Variants in FRY observed in about 807,000 individuals in gnomAD.
FRY encodes FRY microtubule binding protein, also known as protein furry homolog.
In FRY, 128 loss-of-function variants were observed where a neutral mutation model predicts 348.4. The ratio of observed to expected loss-of-function variants is 0.37; its 90% CI spans 0.32 to 0.43. The LOEUF (loss-of-function observed/expected upper bound fraction) is 0.43, where lower values mean the gene tolerates loss of function less well. Ranked by LOEUF, FRY falls within the 20% of genes least tolerant of loss-of-function variation. FRY has a pLI of 1.00. For missense variants in FRY, 2,736 were observed against 3,695.2 expected (o/e 0.74, Z 6.73); for synonymous variants, 1,370 against 1,374.7 (o/e 1.00, Z 0.08).
rs1260274710 is a variant in FRY at position 32,237,575 on chromosome 13, C to T, written c.6007C>T (p.Leu2003=). Residue 2003 remains leucine (L), a synonymous_variant, in exon 44 of 61, where the codon CTG becomes TTG. Coordinates refer to ENST00000542859, the MANE Select transcript of FRY (RefSeq NM_023037.3). This position sits in a 1 kb window ranked among gnomAD's most constrained non-coding sequence, Gnocchi z 6.3. ...RSSDPPRSAT[L]DRIQACTQQG... is the part of the protein sequence containing the mutation. ...CTCTGACCCACCTCGAAGTGCCACA[C>T]TGGACAGAATTCAGGCTTGTACCCA... 1.2e-6 allele frequency: 2 copies of T among 1,614,072 alleles called. No homozygotes were observed.
chr13:32,131,633 T>C (rs1879371211), intron 7 of FRY, 39 bp from the exon 8 acceptor site: 1 of 1,521,822 alleles, frequency 6.6e-7, no homozygotes, highest in Non-Finnish European at 9.1e-7. Flanking sequence ...GGGACTTTCC[T>C]ACCCAATATT....
intron 17 of FRY, among the ~76,000 whole-genome samples, chr13:32,162,507 G>A (rs1881510245): frequency 6.6e-6 from 1 of 152,116 alleles, no homozygotes; most frequent in Non-Finnish European, 1.5e-5. Flanking sequence ...GGGTCCCTCT[G>A]TTGATTACCT....
intron 4 of FRY, among the ~76,000 whole-genome samples, chr13:32,122,647 C>T (rs1878744135): frequency 1.3e-5 from 2 of 152,168 alleles, no homozygotes; most frequent in East Asian, 1.9e-4. Flanking sequence ...TACCTACTGT[C>T]AGCACTCTTC....
At chr13:32,148,878 G>C (rs921459052) in intron 13 of FRY, among the ~76,000 whole-genome samples, 4 of 152,034 alleles carry the variant, frequency 2.6e-5, no homozygotes, top group Non-Finnish European at 5.9e-5. Context: ...TGTAATATTT[G>C]TACTTAGGGA....
intron 11 of FRY, among the ~76,000 whole-genome samples, chr13:32,140,719 T>C (rs907334202): frequency 1.3e-5 from 2 of 152,060 alleles, no homozygotes; most frequent in Non-Finnish European, 2.9e-5. Flanking sequence ...TCCAGAAAAA[T>C]CTCAAAACAA....
At chr13:32,212,009 C>T (rs923003414) in intron 34 of FRY, among the ~76,000 whole-genome samples, 3 of 152,194 alleles carry the variant, frequency 2.0e-5, no homozygotes, top group Admixed American at 2.0e-4. Flanking sequence ...TATAAATAAG[C>T]TCATTGCCTA....
In FRY at chr13:32,179,003, A is replaced by C. The variant is rs1406708320; in HGVS notation, c.2841A>C (p.Thr947=). 2 of 1,613,764 alleles carry C rather than the reference A, an allele frequency of 1.2e-6. No individual in the cohort carries two copies. Among genetic ancestry groups the C allele is most frequent in the Admixed American group, 1.7e-5 (1 of 60,024 alleles). ...RASTPEIMAT[T]PDGTVSYDNK... is the part of the protein sequence containing the mutation. ...CCACTCCAGAAATAATGGCGACCAC[A>C]CCTGATGGTACAGTGAGCTACGATA... is the stretch of plus-strand genomic sequence containing the variant. Residue 947 remains threonine, a synonymous_variant, in exon 22 of 61, where the codon ACA becomes ACC. Transcript: ENST00000542859.
At chr13:32,275,553 C>T (rs1248760288) in intron 56 of FRY, among the ~76,000 whole-genome samples, 2 of 152,210 alleles carry the variant, frequency 1.3e-5, no homozygotes, top group African/African-American at 2.4e-5. Context: ...CCGTCTGCAT[C>T]GTTGGCACTG....
chr13:32,100,281 G>A (rs1177598854), intron 2 of FRY, among the ~76,000 whole-genome samples: 4 of 151,872 alleles, frequency 2.6e-5, no homozygotes, highest in Non-Finnish European at 2.9e-5. Flanking sequence ...GGATTTCACT[G>A]TGTTGACCAG....
At chr13:32,156,364 T>G (rs886899700) in intron 15 of FRY, among the ~76,000 whole-genome samples, 1 of 152,166 alleles carries the variant, frequency 6.6e-6, no homozygotes, top group African/African-American at 2.4e-5. Flanking sequence ...TCCCAGCATT[T>G]TGGGAGGCCG....
chr13:32,048,117 C>A (rs947885050), intron 1 of FRY, among the ~76,000 whole-genome samples: 4 of 152,168 alleles, frequency 2.6e-5, no homozygotes, highest in Admixed American at 6.5e-5. Context: ...TACCCTCTAG[C>A]ACATCTTAGG....
chr13:32,099,148 C>T (rs1042971715), intron 2 of FRY, among the ~76,000 whole-genome samples: 1 of 151,904 alleles, frequency 6.6e-6, no homozygotes, highest in Admixed American at 6.6e-5. Context: ...TGCTAGGGAA[C>T]CTGCATTGGC....
At chr13:32,057,871 AAT>A (rs1455352928) in intron 1 of FRY, among the ~76,000 whole-genome samples, 1 of 152,140 alleles carries the variant, frequency 6.6e-6, no homozygotes, top group African/African-American at 2.4e-5. Flanking sequence ...GAGGCAGGAG[AAT>A]GGCGTGAACC....
chr13:32,119,943 T>C (rs752059837), intron 4 of FRY, among the ~76,000 whole-genome samples: 1 of 152,220 alleles, frequency 6.6e-6, no homozygotes, highest in African/African-American at 2.4e-5. Flanking sequence ...CAGCCTTAAT[T>C]TGACTTGCTC....
Position 32,295,450 on chromosome 13 carries a change from C to T in FRY, c.9032C>T (p.Thr3011Ile), listed in dbSNP as rs746105239. The T allele has an allele frequency of 1.2e-6, 2 of 1,610,714 alleles. No individual in the cohort carries two copies. The highest frequency in any genetic ancestry group is 2.2e-5 in the East Asian group (1 of 44,896). Reference protein sequence around the residue: ...TFLPDSSVSGTSL With the variant: ...TFLPDSSVSGISL ...CTTCCAGACTCCAGTGTTTCTGGCA[C>T]TAGTCTCTGACAGGAGCCTCCTGTC... The change falls in exon 61 of 61, where the codon ACT (threonine) becomes ATT (isoleucine). Residue 3011 changes from threonine (T) to isoleucine (I), a missense_variant. Thr to Ile is a moderately conservative substitution (Grantham distance 89). Coordinates refer to ENST00000542859, the MANE Select transcript of FRY (RefSeq NM_023037.3).
chr13:32,234,469 A>G (rs1886111190), intron 41 of FRY, 105 bp from the exon 42 acceptor site: 5 of 963,812 alleles, frequency 5.2e-6, no homozygotes, highest in Non-Finnish European at 8.5e-6. Context: ...GTACCACTAC[A>G]AGGTAGCCCT....
chr13:32,144,967 G>A (rs183698029), intron 11 of FRY, among the ~76,000 whole-genome samples: 4 of 150,968 alleles, frequency 2.6e-5, no homozygotes, highest in African/African-American at 9.9e-5. Context: ...GAGGAACAGA[G>A]AAGGCTTCAC....
rs1277731084 is a variant in FRY at position 32,265,593 on chromosome 13, A to G, written c.7923A>G (p.Ala2641=). The part of the protein sequence containing the change: ...MTEGEEKGNR[A]LDQFTLASFG... The stretch of plus-strand genomic sequence containing the variant: ...AGGGGGAAGAAAAAGGCAATCGGGC[A>G]CTGGACCAGTTTACCCTGGCGAGGT... Residue 2641 remains alanine, a synonymous_variant, in exon 54 of 61, where the codon GCA becomes GCG. Transcript: ENST00000542859. 1.2e-6 allele frequency: 2 copies of G among 1,614,026 alleles called. No individual in the cohort carries two copies. The highest frequency in any genetic ancestry group is 1.7e-6 in the Non-Finnish European group (2 of 1,180,008).
At position 32,239,932 on chromosome 13, in the gene FRY, G is replaced by T. The variant is rs767597102; in HGVS notation, c.6687+51G>T. On this transcript the variant is annotated intron_variant, in intron 46 of 60. Coordinates refer to ENST00000542859, the MANE Select transcript of FRY (RefSeq NM_023037.3). This position sits in a 1 kb window ranked among gnomAD's most constrained non-coding sequence, Gnocchi z 4.3. ...AGACAGGGTCTCATTATGTTGCCCAGGCTGATCTCAACTCTTGGGCTCAAG... is the reference window on the plus strand; with the variant it reads ...AGACAGGGTCTCATTATGTTGCCCATGCTGATCTCAACTCTTGGGCTCAAG... 1 of 1,517,868 alleles carries T rather than the reference G, an allele frequency of 6.6e-7. No homozygotes were observed. Among genetic ancestry groups the T allele is most frequent in the Non-Finnish European group, 9.1e-7 (1 of 1,103,012 alleles). 94.0% of individuals were successfully genotyped at this position (1,517,868 alleles called of 1,614,324 possible).
Sources: gnomAD v4.1 joint callset for allele counts (sites outside exome capture counted in the v4.1 genomes callset) on GRCh38, gnomAD v4.1.1 for gene constraint, Gnocchi (gnomAD v3.1) non-coding constraint, MANE v1.5 for transcripts, NCBI Gene and HGNC (gene_info 2026-07-23, HGNC 2026-07-21) for gene names.